Variants in TACR1 observed in about 807,000 individuals in gnomAD.
TACR1 encodes substance-P receptor.
In TACR1, 25 loss-of-function variants were observed where a neutral mutation model predicts 35.8. The observed-to-expected ratio is 0.70, with a 90% CI of 0.51 to 0.98. The LOEUF is 0.98. Among genes scored for constraint, TACR1 ranks in the 50% least tolerant of loss-of-function variants. The pLI is 0.00. For synonymous variants in TACR1, 195 were observed against 206.7 expected, an observed-to-expected ratio of 0.94 and a Z score of 0.48; for missense variants, 478 against 522.9, an observed-to-expected ratio of 0.91 and a Z score of 0.84.
At chr2:75,139,584 C>T (rs1363306530) in intron 1 of TACR1, among the ~76,000 whole-genome samples, 1 of 152,154 alleles carries the variant, frequency 6.6e-6, no homozygotes. Context: ...GCCCTTAAGC[C>T]ACTAGGTCTC....
At chr2:75,191,922 G>T (rs1675857115) in intron 1 of TACR1, among the ~76,000 whole-genome samples, 1 of 152,128 alleles carries the variant, frequency 6.6e-6, no homozygotes. Flanking sequence ...TGTTTTCATG[G>T]AGCTTGCAAT....
Position 75,075,840 on chromosome 2 carries a change from T to C in TACR1, c.585-22085A>G, listed in dbSNP as rs143136212. Among the ~76,000 whole-genome samples the C allele has an allele frequency of 4.7e-3, 711 of 152,280 alleles. 6 individuals carry two copies. Among genetic ancestry groups the C allele is most frequent in the African/African-American group, 0.016 (659 of 41,554 alleles). ...AGTAAATATGTTAACATCAGACAAA[T>C]GACGTTAAAGCAAAAATAGGAATAT... On this transcript the variant is annotated intron_variant, in intron 2 of 4. Transcript: ENST00000305249.
chr2:75,133,089 T>A (rs1674210252), intron 1 of TACR1, among the ~76,000 whole-genome samples: 1 of 152,182 alleles, frequency 6.6e-6, no homozygotes, highest in Non-Finnish European at 1.5e-5. Context: ...GTCCCCATAC[T>A]CTGTGAGTCA....
intron 1 of TACR1, among the ~76,000 whole-genome samples, chr2:75,142,990 C>T (rs1393749264): frequency 6.6e-6 from 1 of 152,092 alleles, no homozygotes; most frequent in Non-Finnish European, 1.5e-5. Flanking sequence ...AAGGAGGGGT[C>T]AGCTGATGTG....
intron 1 of TACR1, among the ~76,000 whole-genome samples, chr2:75,142,162 G>A (rs758075212): frequency 3.5e-4 from 53 of 152,308 alleles, no homozygotes; most frequent in Non-Finnish European, 6.9e-4. Flanking sequence ...CAATCCTAGA[G>A]CCTCCAGCCT....
At chr2:75,193,874 C>A (rs72809341) in intron 1 of TACR1, among the ~76,000 whole-genome samples, 2,781 of 152,162 alleles carry the variant, frequency 0.018, 39 homozygotes, top group South Asian at 0.056. Flanking sequence ...TCATATATAG[C>A]CCTTTGAGGG....
intron 1 of TACR1, among the ~76,000 whole-genome samples, chr2:75,173,372 C>T (rs981571967): frequency 2.6e-5 from 4 of 152,114 alleles, no homozygotes; most frequent in South Asian, 2.1e-4. Context: ...ATGAAATATT[C>T]GTTTATAAAT....
chr2:75,065,403 C>G (rs1672743166), intron 2 of TACR1, among the ~76,000 whole-genome samples: 1 of 152,222 alleles, frequency 6.6e-6, no homozygotes, highest in African/African-American at 2.4e-5. Flanking sequence ...GACATTTGCT[C>G]TGAGTATCAG....
chr2:75,094,859 A>ATATATATATATATATTTTTTTTTTTTT, intron 2 of TACR1, among the ~76,000 whole-genome samples: 1 of 113,132 alleles, frequency 8.8e-6, no homozygotes. Flanking sequence ...ATATATATAT[A>ATATATATATATATATTTTTTTTTTTTT]TTTTTTTTTT....
chr2:75,130,521 A>T (rs111941771), intron 1 of TACR1, among the ~76,000 whole-genome samples: 1 of 152,236 alleles, frequency 6.6e-6, no homozygotes, highest in Non-Finnish European at 1.5e-5. Context: ...GTGTAAATCC[A>T]CAACTGTTTA....
intron 2 of TACR1, among the ~76,000 whole-genome samples, chr2:75,092,937 AT>A (rs1412529053): frequency 1.3e-5 from 2 of 152,212 alleles, no homozygotes; most frequent in Admixed American, 6.5e-5. Context: ...AAATAAGAAA[AT>A]TCCTGATCAA....
intron 1 of TACR1, among the ~76,000 whole-genome samples, chr2:75,124,536 T>C (rs1326221358): frequency 1.3e-5 from 2 of 152,190 alleles, no homozygotes; most frequent in Non-Finnish European, 2.9e-5. Context: ...AGGGTGGTAA[T>C]AGCTGAGAGT....
At chr2:75,154,403 C>CGCGCGCGCGCGCGCGT (rs1480182310) in intron 1 of TACR1, 1 of 88,078 alleles carries the variant, frequency 1.1e-5, no homozygotes, top group Non-Finnish European at 2.5e-5. Flanking sequence ...CAGCCAAGAG[C>CGCGCGCGCGCGCGCGT]GCGCACGCAC....
intron 1 of TACR1, among the ~76,000 whole-genome samples, chr2:75,166,622 A>G (rs1263763137): frequency 6.6e-6 from 1 of 152,240 alleles, no homozygotes; most frequent in African/African-American, 2.4e-5. Context: ...AATCTGGCCA[A>G]TAGTCTCAAG....
At chr2:75,168,682 A>C (rs1329507108) in intron 1 of TACR1, among the ~76,000 whole-genome samples, 5 of 152,208 alleles carry the variant, frequency 3.3e-5, no homozygotes, top group Non-Finnish European at 7.3e-5. Flanking sequence ...CAAGCCATTA[A>C]ATTTATGGTA....
intron 1 of TACR1, among the ~76,000 whole-genome samples, chr2:75,140,463 A>G (rs1183645349): frequency 6.6e-6 from 1 of 152,096 alleles, no homozygotes. Context: ...CAGTGGATGG[A>G]GTTGCTTTTG....
At chr2:75,103,565 GAATA>G (rs70937820) in intron 2 of TACR1, among the ~76,000 whole-genome samples, 3 of 150,762 alleles carry the variant, frequency 2.0e-5, no homozygotes, top group African/African-American at 4.9e-5. Context: ...ATAAATGATT[GAATA>G]AATAAATAAA....
chr2:75,121,286 A>G (rs1403369223), intron 1 of TACR1, among the ~76,000 whole-genome samples: 1 of 152,258 alleles, frequency 6.6e-6, no homozygotes, highest in Non-Finnish European at 1.5e-5. Flanking sequence ...GCCTAAAGTC[A>G]GCAAAAAACA....
At chr2:75,133,721 T>C (rs556275182) in intron 1 of TACR1, among the ~76,000 whole-genome samples, 1 of 152,118 alleles carries the variant, frequency 6.6e-6, no homozygotes, top group Non-Finnish European at 1.5e-5. Context: ...TATAAACATA[T>C]ATATTTGTCG....
Sources: gnomAD v4.1 joint callset for allele counts (sites outside exome capture counted in the v4.1 genomes callset) on GRCh38, gnomAD v4.1.1 for gene constraint, MANE v1.5 for transcripts, NCBI Gene and HGNC (gene_info 2026-07-23, HGNC 2026-07-21) for gene names.